TAFA4: variants seen among roughly 807,000 people sequenced by gnomAD.
The protein encoded by TAFA4 is TAFA chemokine like family member 4, also known as chemokine-like protein TAFA-4.
A neutral mutation model predicts 21.1 loss-of-function variants in TAFA4; 20 were observed. The observed-to-expected ratio is 0.95, with a 90% CI of 0.67 to 1.38. The LOEUF is 1.38. Ranked by LOEUF, TAFA4 falls within the 40% of genes most tolerant of loss-of-function variation. TAFA4 has a pLI of 0.00. For synonymous variants in TAFA4, 71 were observed against 67.4 expected, an observed-to-expected ratio of 1.05 and a Z score of -0.26; for missense variants, 211 against 180.9, an observed-to-expected ratio of 1.17 and a Z score of -0.95.
At chr3:68,925,302 A>C (rs931672735) in intron 1 of TAFA4, among the ~76,000 whole-genome samples, 1 of 152,224 alleles carries the variant, frequency 6.6e-6, no homozygotes, top group African/African-American at 2.4e-5. Context: ...TTGCATAATC[A>C]GTTCTGAAGG....
At chr3:68,773,351 C>A (rs1305212216) in intron 3 of TAFA4, among the ~76,000 whole-genome samples, 2 of 152,168 alleles carry the variant, frequency 1.3e-5, no homozygotes, top group African/African-American at 2.4e-5. Flanking sequence ...AGTGTCCATA[C>A]CCTCTCCCCT....
intron 3 of TAFA4, among the ~76,000 whole-genome samples, chr3:68,873,617 A>T (rs893075742): frequency 6.6e-6 from 1 of 152,158 alleles, no homozygotes; most frequent in Admixed American, 6.6e-5. Context: ...CTGTAAAATG[A>T]CCACAGGACA....
chr3:68,747,405 C>G (rs1404982817), intron 4 of TAFA4, among the ~76,000 whole-genome samples: 1 of 151,744 alleles, frequency 6.6e-6, no homozygotes, highest in Non-Finnish European at 1.5e-5. Context: ...CCATGCTGTT[C>G]TTGTGATAGT....
At chr3:68,762,921 C>G (rs1575599236) in intron 3 of TAFA4, among the ~76,000 whole-genome samples, 1 of 152,316 alleles carries the variant, frequency 6.6e-6, no homozygotes, top group East Asian at 1.9e-4. Context: ...GCCTGAAATC[C>G]CAGCTACTCA....
At chr3:68,862,296 T>C (rs1559546634) in intron 3 of TAFA4, among the ~76,000 whole-genome samples, 2 of 152,114 alleles carry the variant, frequency 1.3e-5, no homozygotes, top group Admixed American at 6.5e-5. Flanking sequence ...TGTAAGTGCA[T>C]AAAACAAAAT....
At chr3:68,752,501 A>T (rs1187636709) in intron 4 of TAFA4, among the ~76,000 whole-genome samples, 4 of 152,206 alleles carry the variant, frequency 2.6e-5, no homozygotes, top group Non-Finnish European at 2.9e-5. Context: ...ACCAAGCATG[A>T]AGTGAGAAAG....
intron 1 of TAFA4, among the ~76,000 whole-genome samples, chr3:68,921,947 AAG>A (rs2090064296): frequency 6.6e-6 from 1 of 152,232 alleles, no homozygotes; most frequent in African/African-American, 2.4e-5. Flanking sequence ...TATGCTCTAA[AAG>A]AAACGTCAAG....
chr3:68,793,732 A>C (rs1703406300), intron 3 of TAFA4, among the ~76,000 whole-genome samples: 1 of 152,224 alleles, frequency 6.6e-6, no homozygotes, highest in South Asian at 2.1e-4. Flanking sequence ...GGACTTTAAA[A>C]ACTGCTTCAT....
At chr3:68,845,479 C>A (rs1212954698) in intron 3 of TAFA4, among the ~76,000 whole-genome samples, 1 of 152,122 alleles carries the variant, frequency 6.6e-6, no homozygotes, top group Non-Finnish European at 1.5e-5. Context: ...TCCAATTTGC[C>A]AGTCTTTGTC....
chr3:68,880,000 G>A (rs1239444535), intron 3 of TAFA4, among the ~76,000 whole-genome samples: 2 of 152,066 alleles, frequency 1.3e-5, no homozygotes, highest in Non-Finnish European at 2.9e-5. Context: ...AACACAATTT[G>A]CTGGGGAGTT....
At chr3:68,846,348 G>A (rs1704793973) in intron 3 of TAFA4, among the ~76,000 whole-genome samples, 2 of 151,840 alleles carry the variant, frequency 1.3e-5, no homozygotes, top group Non-Finnish European at 2.9e-5. Flanking sequence ...TTCTTGTGCT[G>A]TGTTTTTCAG....
chr3:68,902,380 T>G (rs2089853485), intron 1 of TAFA4, among the ~76,000 whole-genome samples: 1 of 152,186 alleles, frequency 6.6e-6, no homozygotes, highest in Non-Finnish European at 1.5e-5. Flanking sequence ...TTCACTTTTT[T>G]TTTTGGAGAC....
intron 3 of TAFA4, among the ~76,000 whole-genome samples, chr3:68,763,802 A>G (rs1265233776): frequency 6.6e-6 from 1 of 151,446 alleles, no homozygotes; most frequent in Non-Finnish European, 1.5e-5. Context: ...GATAAACACC[A>G]TGGAATAAAT....
chr3:68,905,375 G>A (rs2089889391), intron 1 of TAFA4, among the ~76,000 whole-genome samples: 5 of 151,930 alleles, frequency 3.3e-5, no homozygotes, highest in Admixed American at 6.6e-5. Flanking sequence ...TCACCACGTT[G>A]GCCAGGATGG....
chr3:68,838,273 T>A (rs1704569633), intron 3 of TAFA4, among the ~76,000 whole-genome samples: 1 of 152,208 alleles, frequency 6.6e-6, no homozygotes, highest in South Asian at 2.1e-4. Context: ...GGTGCCTCCA[T>A]GGCTAGATGT....
intron 3 of TAFA4, among the ~76,000 whole-genome samples, chr3:68,857,832 A>AT (rs1471215342): frequency 1.4e-4 from 21 of 152,074 alleles, no homozygotes; most frequent in African/African-American, 5.1e-4. Flanking sequence ...AAAAAGAAAA[A>AT]AAAACAAAGA....
At chr3:68,877,909 C>A (rs1237894186) in intron 3 of TAFA4, among the ~76,000 whole-genome samples, 1 of 152,122 alleles carries the variant, frequency 6.6e-6, no homozygotes, top group Non-Finnish European at 1.5e-5. Context: ...CCTATTTTTC[C>A]TTATTAGTTA....
At chr3:68,865,872 G>T (rs1329488194) in intron 3 of TAFA4, among the ~76,000 whole-genome samples, 1 of 152,048 alleles carries the variant, frequency 6.6e-6, no homozygotes, top group African/African-American at 2.4e-5. Flanking sequence ...CAGACAGATG[G>T]TAAGAGAAAT....
intron 3 of TAFA4, among the ~76,000 whole-genome samples, chr3:68,837,835 T>C (rs899511105): frequency 6.6e-6 from 1 of 152,084 alleles, no homozygotes; most frequent in Non-Finnish European, 1.5e-5. Flanking sequence ...GACTTTTTTG[T>C]TTTGGTTTGT....
Sources: gnomAD v4.1 joint callset for allele counts (sites outside exome capture counted in the v4.1 genomes callset) on GRCh38, gnomAD v4.1.1 for gene constraint, MANE v1.5 for transcripts, NCBI Gene and HGNC (gene_info 2026-07-23, HGNC 2026-07-21) for gene names.